SYNE1: variants seen among roughly 807,000 people sequenced by gnomAD.
SYNE1 encodes the protein nesprin-1.
A neutral mutation model predicts 1,111.0 loss-of-function variants in SYNE1; 616 were observed. The ratio of observed to expected loss-of-function variants is 0.55; its 90% CI spans 0.52 to 0.59. The LOEUF is 0.59. Ranked by LOEUF, SYNE1 falls within the 20% of genes least tolerant of loss-of-function variation. SYNE1 has a pLI of 0.00. For missense variants in SYNE1, 10,006 were observed against 10,417.0 expected (o/e 0.96, Z 1.72); for synonymous variants, 3,855 against 3,825.8 (o/e 1.01, Z -0.28).
Position 152,426,378 on chromosome 6 carries a change from G to T in SYNE1, c.5101-831C>A, listed in dbSNP as rs74502584. ...AGGTGAGATCATAAAGCAGAACTGC[G>T]ACTTATGCTGGGTACAAGGGAAAGA... On this transcript the variant is annotated intron_variant, in intron 38 of 145. Coordinates refer to ENST00000367255, the MANE Select transcript of SYNE1 (RefSeq NM_182961.4). Among the ~76,000 whole-genome samples the T allele has an allele frequency of 8.5e-3, 1,289 of 152,310 alleles. 18 individuals are homozygous for T. Among genetic ancestry groups the T allele is most frequent in the African/African-American group, 0.029 (1,213 of 41,568 alleles).
At chr6:152,388,328 A>C (rs1211963612) in intron 53 of SYNE1, among the ~76,000 whole-genome samples, 1 of 151,880 alleles carries the variant, frequency 6.6e-6, no homozygotes, top group Non-Finnish European at 1.5e-5. Context: ...GCTCATTGCA[A>C]TCTCTGTGTC....
At chr6:152,472,688 G>A in intron 14 of SYNE1, 1 of 696,104 alleles carries the variant, frequency 1.4e-6, no homozygotes, top group South Asian at 1.5e-5. Context: ...CGTTTTAAAG[G>A]CACATGATCC....
At chr6:152,134,846 G>T in intron 142 of SYNE1, 1 of 470,066 alleles carries the variant, frequency 2.1e-6, no homozygotes, top group African/African-American at 2.0e-5. Flanking sequence ...AATTAAGATT[G>T]CTTGAGAACA....
In SYNE1 at chr6:152,419,573, T is replaced by C. The variant is rs779891217; in HGVS notation, c.5417A>G (p.His1806Arg). 3.9e-5 allele frequency: 63 copies of C among 1,612,854 alleles called. 1 individual carries two copies. The East Asian group carries it at 1.4e-3, about 35-fold the overall frequency. Residue 1806 changes from histidine (H) to arginine (R), a missense_variant, in exon 40 of 146, where the codon CAT becomes CGT. By Grantham distance (29) the His-to-Arg change is conservative (BLOSUM62 0). Transcript: ENST00000367255. ...IMDHQVALTRHKDHAAEVESK... is the reference protein window; with the variant it reads ...IMDHQVALTRRKDHAAEVESK... Reference sequence around the variant, plus strand: ...AAAAAAAAAAAACCACTTTACCTTATGCCGAGTAAGGGCTACTTGATGGTC... The same window carrying C: ...AAAAAAAAAAAACCACTTTACCTTACGCCGAGTAAGGGCTACTTGATGGTC...
intron 2 of SYNE1, among the ~76,000 whole-genome samples, chr6:152,632,231 T>C: frequency 6.6e-6 from 1 of 152,192 alleles, no homozygotes; most frequent in East Asian, 1.9e-4. Flanking sequence ...CCGATATATA[T>C]TTTTTGTTTC....
At chr6:152,558,834 TA>T (rs2099384356) in intron 3 of SYNE1, among the ~76,000 whole-genome samples, 1 of 151,984 alleles carries the variant, frequency 6.6e-6, no homozygotes, top group African/African-American at 2.4e-5. Context: ...ACTATAAACC[TA>T]AACAATGTAA....
intron 40 of SYNE1, 145 bp downstream of exon 40, chr6:152,419,424 C>A: frequency 1.1e-6 from 1 of 900,264 alleles, no homozygotes; most frequent in South Asian, 1.7e-5. Flanking sequence ...AACTCATATG[C>A]TCAATTATTA....
At chr6:152,355,751 T>C (rs761584963) in intron 66 of SYNE1, among the ~76,000 whole-genome samples, 4 of 152,104 alleles carry the variant, frequency 2.6e-5, no homozygotes, top group Non-Finnish European at 4.4e-5. Flanking sequence ...TCACCCAAAG[T>C]AAAATAAATC....
At position 152,289,925 on chromosome 6, in the gene SYNE1, C is replaced by CTT. The variant is rs71017532; in HGVS notation, c.18012+3661_18012+3662dup. On this transcript the variant is annotated intron_variant, in intron 95 of 145. Coordinates refer to ENST00000367255, the MANE Select transcript of SYNE1 (RefSeq NM_182961.4). Reference sequence around the variant, plus strand: ...ACAGGCATGAGCTACCGCGCCCAGCCTTTTTTTTTTTTTTTTTTTTAAGCC... The same window carrying CTT: ...ACAGGCATGAGCTACCGCGCCCAGCCTTTTTTTTTTTTTTTTTTTTTTAAGCC... Among the ~76,000 whole-genome samples the CTT allele has an allele frequency of 5.4e-3, 703 of 129,944 alleles. 8 individuals are homozygous for CTT. Among genetic ancestry groups the CTT allele is most frequent in the South Asian group, 9.3e-3 (37 of 3,996 alleles). The allele number at this position is 129,944 out of a possible 152,430, so 85.2% of individuals were successfully genotyped here.
intron 3 of SYNE1, among the ~76,000 whole-genome samples, chr6:152,558,334 G>A (rs1277830416): frequency 1.3e-5 from 2 of 152,150 alleles, no homozygotes; most frequent in Non-Finnish European, 2.9e-5. Flanking sequence ...CTGGGTCCTT[G>A]CCTACCAATA....
chr6:152,283,928 G>A (rs764422716), intron 96 of SYNE1, 50 bp downstream of exon 96: 24 of 1,442,244 alleles, frequency 1.7e-5, no homozygotes, highest in Admixed American at 5.0e-5. Context: ...GTAACACAAC[G>A]TTAAAAGTTA....
At position 152,352,128 on chromosome 6, in the gene SYNE1, C is replaced by T. The variant is rs1260019680; in HGVS notation, c.11479G>A (p.Ala3827Thr). Reference protein sequence around the residue: ...LAKEFSDKCKALTQWIAEYQE... With the variant: ...LAKEFSDKCKTLTQWIAEYQE... ...TATTCTGCTATCCACTGTGTCAGTGCTTTGCATTTATCTGAGAATTCCTTT... is the reference window on the plus strand; with the variant it reads ...TATTCTGCTATCCACTGTGTCAGTGTTTTGCATTTATCTGAGAATTCCTTT... The change falls in exon 70 of 146, where the codon GCA (alanine) becomes ACA (threonine). Residue 3827 changes from alanine (A) to threonine (T), a missense_variant. Coordinates refer to ENST00000367255, the MANE Select transcript of SYNE1 (RefSeq NM_182961.4). 6.2e-7 allele frequency: 1 copy of T among 1,614,234 alleles called. No individual in the cohort carries two copies. The highest frequency in any genetic ancestry group is 1.7e-5 in the Admixed American group (1 of 60,028).
intron 76 of SYNE1, chr6:152,335,991 T>G (rs1249432510): frequency 3.3e-5 from 5 of 151,656 alleles, no homozygotes; most frequent in African/African-American, 1.2e-4. Context: ...CCGGCCACAA[T>G]TTCCTATATA....
intron 5 of SYNE1, among the ~76,000 whole-genome samples, chr6:152,523,084 A>T (rs2449113): frequency 0.65 from 98,695 of 151,724 alleles, 32,724 homozygotes; most frequent in African/African-American, 0.75. Flanking sequence ...TTTCTATTTT[A>T]GTTGCATTTG....
At chr6:152,537,268 G>A (rs1057071439) in intron 4 of SYNE1, among the ~76,000 whole-genome samples, 85 of 152,124 alleles carry the variant, frequency 5.6e-4, no homozygotes, top group African/African-American at 2.0e-3. Context: ...AATTGGAGAA[G>A]CATTAAGACT....
At chr6:152,446,670 A>G (rs1245308988) in intron 29 of SYNE1, among the ~76,000 whole-genome samples, 1 of 152,180 alleles carries the variant, frequency 6.6e-6, no homozygotes, top group African/African-American at 2.4e-5. Flanking sequence ...ATACTGGTAA[A>G]TATCTATTCT....
intron 34 of SYNE1, among the ~76,000 whole-genome samples, chr6:152,433,025 C>T (rs560580014): frequency 3.3e-5 from 5 of 151,928 alleles, no homozygotes; most frequent in Admixed American, 2.0e-4. Context: ...GTGAAATGTT[C>T]CCTCACCTTG....
chr6:152,259,610 C>G (rs1448504565), intron 101 of SYNE1, among the ~76,000 whole-genome samples: 1 of 152,174 alleles, frequency 6.6e-6, no homozygotes, highest in East Asian at 1.9e-4. Flanking sequence ...GCAAGACCCT[C>G]TCTAAGCCTC....
At position 152,580,662 on chromosome 6, in the gene SYNE1, T is replaced by C. The variant is rs141237844; in HGVS notation, c.68-40641A>G. On this transcript the variant is annotated intron_variant, in intron 3 of 145. Coordinates refer to ENST00000367255, the MANE Select transcript of SYNE1 (RefSeq NM_182961.4). ...GTTTTAGATTTTACCTTTACATCTT[T>C]GGTCCACCTTGAGTTGATTTTTGTA... is the stretch of plus-strand genomic sequence containing the variant. Among the ~76,000 whole-genome samples, 1,296 of 152,310 alleles carry C rather than the reference T, an allele frequency of 8.5e-3. 84 individuals are homozygous for C. Among genetic ancestry groups the C allele is most frequent in the Admixed American group, 0.078 (1,200 of 15,302 alleles).
Sources: gnomAD v4.1 joint callset for allele counts (sites outside exome capture counted in the v4.1 genomes callset) on GRCh38, gnomAD v4.1.1 for gene constraint, MANE v1.5 for transcripts, NCBI Gene and HGNC (gene_info 2026-07-23, HGNC 2026-07-21) for gene names.